Variants in GNAL observed in about 807,000 individuals in gnomAD.
The protein encoded by GNAL is G protein subunit alpha L.
A neutral mutation model predicts 55.1 loss-of-function variants in GNAL; 18 were observed. That is an observed-to-expected ratio of 0.33 (90% CI 0.23 to 0.48). GNAL has a LOEUF of 0.48. GNAL is among the 20% of genes least tolerant of loss of function. GNAL has a pLI of 0.99. For missense variants in GNAL, 412 were observed against 614.1 expected (o/e 0.67, Z 3.48); for synonymous variants, 253 against 237.0 (o/e 1.07, Z -0.62).
At chr18:11,771,809 G>A (rs981560196) in intron 4 of GNAL, among the ~76,000 whole-genome samples, 1 of 152,104 alleles carries the variant, frequency 6.6e-6, no homozygotes, top group African/African-American at 2.4e-5. Flanking sequence ...CCTCCTTCTG[G>A]GTTCAAGCGA....
At chr18:11,755,579 A>G (rs1429553878) in intron 4 of GNAL, among the ~76,000 whole-genome samples, 2 of 152,188 alleles carry the variant, frequency 1.3e-5, no homozygotes, top group Non-Finnish European at 2.9e-5. Context: ...CCAGCCAAGA[A>G]TAACTTTTTT....
At chr18:11,737,891 C>T (rs182005697) in intron 1 of GNAL, among the ~76,000 whole-genome samples, 12 of 152,316 alleles carry the variant, frequency 7.9e-5, no homozygotes, top group Non-Finnish European at 5.9e-5. Flanking sequence ...GGACCCTGAC[C>T]TCCTCCCCTC....
chr18:11,759,433 C>T (rs9947295), intron 4 of GNAL, among the ~76,000 whole-genome samples: 31,667 of 152,284 alleles, frequency 0.21, 5,475 homozygotes, highest in African/African-American at 0.47. Flanking sequence ...CAGTACTTTG[C>T]CATTACCACC....
At chr18:11,819,697 T>A (rs1299392354) in intron 4 of GNAL, among the ~76,000 whole-genome samples, 6 of 152,136 alleles carry the variant, frequency 3.9e-5, no homozygotes, top group Non-Finnish European at 7.4e-5. Flanking sequence ...ATTACTCTTT[T>A]CAGACACATA....
intron 5 of GNAL, among the ~76,000 whole-genome samples, chr18:11,828,465 A>G (rs897587061): frequency 2.0e-5 from 3 of 152,204 alleles, no homozygotes; most frequent in Admixed American, 6.5e-5. Context: ...GGAAGAATAT[A>G]CCAGGAAAAT....
chr18:11,862,288 C>CT, intron 5 of GNAL, 107 bp from the exon 6 acceptor site: 1 of 765,280 alleles, frequency 1.3e-6, no homozygotes, highest in Non-Finnish European at 2.3e-6. Flanking sequence ...GCTTCTTGGC[C>CT]TGCCCCCATC....
chr18:11,693,439 G>T (rs760435770), intron 1 of GNAL, among the ~76,000 whole-genome samples: 9 of 152,218 alleles, frequency 5.9e-5, no homozygotes, highest in Admixed American at 3.3e-4. Context: ...ACACTAAAAC[G>T]CATACTGTTA....
intron 5 of GNAL, among the ~76,000 whole-genome samples, chr18:11,836,021 C>G (rs928276701): frequency 1.3e-5 from 2 of 152,016 alleles, no homozygotes; most frequent in African/African-American, 4.8e-5. Context: ...GTGCCACACA[C>G]CTGTAGTCCC....
intron 8 of GNAL, 82 bp downstream of exon 8, chr18:11,867,308 A>G (rs2036285027): frequency 1.2e-6 from 1 of 835,520 alleles, no homozygotes; most frequent in African/African-American, 1.7e-5. Flanking sequence ...CTTGAATTAG[A>G]TAATCTCTAA....
At chr18:11,727,823 T>C (rs1362230173) in intron 1 of GNAL, among the ~76,000 whole-genome samples, 1 of 152,162 alleles carries the variant, frequency 6.6e-6, no homozygotes, top group Non-Finnish European at 1.5e-5. Flanking sequence ...AGAAGTAACA[T>C]TGATTAGTAA....
chr18:11,845,107 G>T lies in GNAL; in HGVS notation c.723-17288G>T, dbSNP rs111754897. Among the ~76,000 whole-genome samples, 11 of 152,032 alleles carry T rather than the reference G, an allele frequency of 7.2e-5. No homozygotes were observed. In the South Asian group the frequency reaches 2.3e-3, roughly 32 times the overall value. On this transcript the variant is annotated intron_variant, in intron 5 of 11. Transcript: ENST00000334049. ...TCTCAATCTCCTGACCTTGTGATCC[G>T]CCCACCTCAGCCTCCCAAAGTGCTG... is the stretch of plus-strand genomic sequence containing the variant.
intron 1 of GNAL, among the ~76,000 whole-genome samples, chr18:11,745,304 A>G (rs1214864320): frequency 1.3e-5 from 2 of 152,130 alleles, no homozygotes; most frequent in Non-Finnish European, 2.9e-5. Flanking sequence ...GCTCCTTATA[A>G]TGGGAAACAA....
chr18:11,710,531 A>G (rs2031811261), intron 1 of GNAL, among the ~76,000 whole-genome samples: 2 of 151,960 alleles, frequency 1.3e-5, no homozygotes, highest in African/African-American at 2.4e-5. Context: ...GCTGTTTAGT[A>G]TGCTTTCATT....
At chr18:11,843,160 G>C (rs568209766) in intron 5 of GNAL, among the ~76,000 whole-genome samples, 38 of 151,488 alleles carry the variant, frequency 2.5e-4, no homozygotes, top group African/African-American at 7.3e-4. Flanking sequence ...TTGTGCCACT[G>C]TACTGCAGCT....
intron 4 of GNAL, among the ~76,000 whole-genome samples, chr18:11,773,856 T>C (rs900892910): frequency 6.6e-6 from 1 of 152,222 alleles, no homozygotes; most frequent in African/African-American, 2.4e-5. Flanking sequence ...TTTCGGTGAC[T>C]AGAGTAAAAG....
In GNAL at chr18:11,808,136, G is replaced by A. The variant is rs116722897; in HGVS notation, c.625-16782G>A. On this transcript the variant is annotated intron_variant, in intron 4 of 11. Transcript: ENST00000334049. ...TGCTGAGTGAATCGGTGAATGACAG[G>A]CCTTACTTTGGTTGAGTCACTCTGC... Among the ~76,000 whole-genome samples, 292 of 152,020 alleles carry A rather than the reference G, an allele frequency of 1.9e-3. 1 individual carries two copies. Among genetic ancestry groups the A allele is most frequent in the African/African-American group, 6.7e-3 (277 of 41,440 alleles).
At chr18:11,818,708 G>A (rs188768577) in intron 4 of GNAL, among the ~76,000 whole-genome samples, 28 of 152,316 alleles carry the variant, frequency 1.8e-4, no homozygotes, top group Admixed American at 1.1e-3. Flanking sequence ...GTGCCGGGAC[G>A]CACCCTGAAA....
At chr18:11,870,964 A>G (rs1212010847) in intron 9 of GNAL, among the ~76,000 whole-genome samples, 1 of 152,194 alleles carries the variant, frequency 6.6e-6, no homozygotes, top group African/African-American at 2.4e-5. Context: ...TTATTTATAA[A>G]CACTATATGT....
At chr18:11,736,963 A>G (rs1168561779) in intron 1 of GNAL, among the ~76,000 whole-genome samples, 1 of 152,262 alleles carries the variant, frequency 6.6e-6, no homozygotes, top group Non-Finnish European at 1.5e-5. Context: ...ATATGAAAAC[A>G]TACAGATAGG....
Sources: gnomAD v4.1 joint callset for allele counts (sites outside exome capture counted in the v4.1 genomes callset) on GRCh38, gnomAD v4.1.1 for gene constraint, MANE v1.5 for transcripts, NCBI Gene and HGNC (gene_info 2026-07-23, HGNC 2026-07-21) for gene names.